KLHL13: variants seen among roughly 807,000 people sequenced by gnomAD.
KLHL13 encodes kelch-like protein 13.
A neutral mutation model predicts 37.1 loss-of-function variants in KLHL13; 10 were observed. The ratio of observed to expected loss-of-function variants is 0.27; its 90% CI spans 0.17 to 0.46. The LOEUF (loss-of-function observed/expected upper bound fraction) is 0.46. Among genes scored for constraint, KLHL13 ranks in the 20% least tolerant of loss-of-function variants. The pLI is 1.00. For synonymous variants in KLHL13, 163 were observed against 181.2 expected, an observed-to-expected ratio of 0.90 and a Z score of 0.81; for missense variants, 360 against 509.3, an observed-to-expected ratio of 0.71 and a Z score of 2.82.
intron 2 of KLHL13, among the ~76,000 whole-genome samples, chrX:117,931,862 T>C (rs1602563770): frequency 1.8e-5 from 2 of 111,177 alleles, no homozygotes; most frequent in South Asian, 3.8e-4. Flanking sequence ...TTGTACCTCA[T>C]AGCATTTTTT....
chrX:118,063,311 C>T (rs2054761298), intron 1 of KLHL13, among the ~76,000 whole-genome samples: 1 of 111,448 alleles, frequency 9.0e-6, no homozygotes, highest in Non-Finnish European at 1.9e-5. Flanking sequence ...CAAAAGATCA[C>T]AATACCAAGA....
intron 1 of KLHL13, among the ~76,000 whole-genome samples, chrX:118,033,847 T>C (rs1258947170): frequency 9.3e-6 from 1 of 107,106 alleles, no homozygotes; most frequent in East Asian, 2.9e-4. Flanking sequence ...AGGAAACCCA[T>C]CTCACGTGCA....
exon 3 of KLHL13, chrX:117,920,341 C>T: frequency 8.3e-7 from 1 of 1,206,908 alleles, no homozygotes; most frequent in Non-Finnish European, 1.1e-6. Flanking sequence ...CATCACAAAG[C>T]AATCCTTCAA....
At chrX:118,104,048 T>TAAAAAAAAAAAAAAAA (rs60645250) in intron 1 of KLHL13, among the ~76,000 whole-genome samples, 1 of 42,575 alleles carries the variant, frequency 2.3e-5, no homozygotes, top group African/African-American at 8.9e-5. Flanking sequence ...TCATTTCCAC[T>TAAAAAAAAAAAAAAAA]AAAAAAAAAA....
At chrX:118,014,670 T>C (rs1032945774) in intron 1 of KLHL13, among the ~76,000 whole-genome samples, 12 of 112,527 alleles carry the variant, frequency 1.1e-4, no homozygotes, top group Non-Finnish European at 2.3e-4. Flanking sequence ...GATATGTGAC[T>C]TCGCCTCCAG....
intron 1 of KLHL13, among the ~76,000 whole-genome samples, chrX:118,078,423 C>T (rs1172691284): frequency 4.5e-5 from 5 of 111,240 alleles, no homozygotes; most frequent in African/African-American, 9.8e-5. Flanking sequence ...CCACTTTTCA[C>T]CCCCATTCTC....
At chrX:118,093,360 T>C (rs1157410075) in intron 1 of KLHL13, among the ~76,000 whole-genome samples, 1 of 112,047 alleles carries the variant, frequency 8.9e-6, no homozygotes, top group Non-Finnish European at 1.9e-5. Flanking sequence ...ATCTAATTTC[T>C]ATAAAATCTC....
chrX:118,072,459 CA>C (rs1209165914), intron 1 of KLHL13, among the ~76,000 whole-genome samples: 1 of 112,014 alleles, frequency 8.9e-6, no homozygotes, highest in Non-Finnish European at 1.9e-5. Flanking sequence ...GCAATGGCAA[CA>C]AAAGCCAAAA....
chrX:117,965,396 G>A (rs1173110592), intron 1 of KLHL13, among the ~76,000 whole-genome samples: 2 of 112,002 alleles, frequency 1.8e-5, no homozygotes, highest in Non-Finnish European at 1.9e-5. Flanking sequence ...CTTTTGAGAA[G>A]TGTCTGTTAA....
chrX:118,002,958 G>GTGA (rs2053941339), intron 1 of KLHL13, among the ~76,000 whole-genome samples: 1 of 112,261 alleles, frequency 8.9e-6, no homozygotes, highest in Non-Finnish European at 1.9e-5. Context: ...TCTACCTTCT[G>GTGA]GGTAATCGCA....
At chrX:117,952,622 A>C (rs1933679747) in intron 1 of KLHL13, among the ~76,000 whole-genome samples, 1 of 109,757 alleles carries the variant, frequency 9.1e-6, no homozygotes, top group Admixed American at 9.6e-5. Context: ...CAGGCAACCT[A>C]CAAAATGGGA....
intron 2 of KLHL13, among the ~76,000 whole-genome samples, chrX:117,925,816 T>C (rs1261682092): frequency 9.0e-6 from 1 of 111,667 alleles, no homozygotes; most frequent in Non-Finnish European, 1.9e-5. Flanking sequence ...ACCTGGAATA[T>C]CCTTCCTCCT....
At chrX:117,898,852 G>C in exon 7 of KLHL13, 1 of 1,123,534 alleles carries the variant, frequency 8.9e-7, no homozygotes, top group Non-Finnish European at 1.2e-6. Flanking sequence ...AAAAAGAAGA[G>C]AATTTATGAC....
intron 1 of KLHL13, among the ~76,000 whole-genome samples, chrX:118,112,259 T>C (rs965174196): frequency 3.6e-5 from 4 of 112,498 alleles, no homozygotes; most frequent in South Asian, 7.4e-4. Context: ...TCAATAACTA[T>C]TTATAAAGTG....
In KLHL13 at chrX:118,010,483, C is replaced by G. The variant is rs866338435; in HGVS notation, c.-55-64908G>C. Among the ~76,000 whole-genome samples, 205 of 67,910 alleles carry G rather than the reference C, an allele frequency of 3.0e-3. 2 individuals are homozygous for G. The highest frequency in any genetic ancestry group is 0.011 in the African/African-American group (193 of 17,874). The allele number at this position is 67,910 out of a possible 115,157, so 59.0% of individuals were successfully genotyped here. ...GAAATCATCATTCTCAGTAAACTAT[C>G]GCAAGAACAAAAAACCAAACACCGC... is the stretch of plus-strand genomic sequence containing the variant. On this transcript the variant is annotated intron_variant, in intron 1 of 6. Coordinates refer to the KLHL13 transcript ENST00000371882.
At chrX:118,066,371 T>C (rs1421543419) in intron 1 of KLHL13, among the ~76,000 whole-genome samples, 1 of 112,043 alleles carries the variant, frequency 8.9e-6, no homozygotes, top group Non-Finnish European at 1.9e-5. Flanking sequence ...AACAATCCCA[T>C]GCTTCCAAAA....
At chrX:117,966,689 A>G (rs1411279574) in intron 1 of KLHL13, among the ~76,000 whole-genome samples, 2 of 111,395 alleles carry the variant, frequency 1.8e-5, no homozygotes, top group Non-Finnish European at 3.8e-5. Context: ...CCAAAACAGC[A>G]TGGTACTGGT....
At chrX:118,000,812 A>G (rs1327443668) in intron 1 of KLHL13, among the ~76,000 whole-genome samples, 2 of 111,597 alleles carry the variant, frequency 1.8e-5, no homozygotes, top group Admixed American at 1.9e-4. Flanking sequence ...TCACTGCAGT[A>G]ACATTACTGT....
chrX:118,062,981 T>C (rs1160152549), intron 1 of KLHL13, among the ~76,000 whole-genome samples: 2 of 110,874 alleles, frequency 1.8e-5, no homozygotes, highest in Non-Finnish European at 3.8e-5. Context: ...AAGAAAAAAA[T>C]AGAGAAGTGG....
Sources: gnomAD v4.1 joint callset for allele counts (sites outside exome capture counted in the v4.1 genomes callset) on GRCh38, gnomAD v4.1.1 for gene constraint, MANE v1.5 for transcripts, NCBI Gene and HGNC (gene_info 2026-07-23, HGNC 2026-07-21) for gene names.